The following VMP1 variants were observed in gnomAD, a reference collection of about 807,000 sequenced individuals.
The protein encoded by VMP1 is vacuole membrane protein 1.
In VMP1, 11 loss-of-function variants were observed where a neutral mutation model predicts 56.0. That is an observed-to-expected ratio of 0.20 (90% CI 0.12 to 0.32). The LOEUF is 0.32. Ranked by LOEUF, VMP1 falls within the 10% of genes least tolerant of loss-of-function variation. The pLI is 1.00. For missense variants in VMP1, 296 were observed against 490.3 expected (o/e 0.60, Z 3.74); for synonymous variants, 149 against 165.0 (o/e 0.90, Z 0.74).
intron 7 of VMP1, among the ~76,000 whole-genome samples, chr17:59,802,691 G>A (rs146300242): frequency 6.6e-6 from 1 of 151,904 alleles, no homozygotes; most frequent in Non-Finnish European, 1.5e-5. Flanking sequence ...TAGGCCTCCT[G>A]AGTAGCTAGG....
intron 8 of VMP1, among the ~76,000 whole-genome samples, chr17:59,811,376 A>G (rs2038045651): frequency 6.6e-6 from 1 of 152,182 alleles, no homozygotes; most frequent in South Asian, 2.1e-4. Flanking sequence ...TTCTCATGTG[A>G]TGGGCACACA....
intron 10 of VMP1, among the ~76,000 whole-genome samples, chr17:59,819,686 T>C (rs1053977587): frequency 6.6e-6 from 1 of 152,192 alleles, no homozygotes; most frequent in African/African-American, 2.4e-5. Flanking sequence ...ACTCCTGACC[T>C]GGTGATCCGC....
chr17:59,712,189 A>T (rs779406368), intron 1 of VMP1, among the ~76,000 whole-genome samples: 10 of 151,954 alleles, frequency 6.6e-5, no homozygotes, highest in Non-Finnish European at 1.5e-4. Context: ...ATTGCCAAGA[A>T]CTCTTTCCCA....
rs2039164443 is a variant in VMP1 at position 59,841,784 on chromosome 17, A to C, written c.*1873A>C. 6.6e-6 allele frequency: 1 copy of C among 152,274 alleles called. No homozygotes were observed. The highest frequency in any genetic ancestry group is 2.4e-5 in the African/African-American group (1 of 41,438). The allele number at this position is 152,274 out of a possible 1,614,324, so 9.4% of individuals were successfully genotyped here. ...ATTTTATTTGGTGTTTGTCTGAAGA[A>C]AGGAAAGAGGAAAGCAAATACGAAT... is the stretch of plus-strand genomic sequence containing the variant. On this transcript the variant is annotated 3_prime_UTR_variant, in exon 12 of 12. Transcript: ENST00000262291.
intron 7 of VMP1, among the ~76,000 whole-genome samples, chr17:59,801,112 ATGTGTGTGTGTGTGTGTGTGTGTG>A (rs71145573): frequency 9.1e-6 from 1 of 110,326 alleles, no homozygotes; most frequent in Non-Finnish European, 1.7e-5. Context: ...ATATATATAT[ATGTGTGTGTGTGTGTGTGTGTGTG>A]TGTGTGTGTG....
chr17:59,801,469 C>T (rs560433561), intron 7 of VMP1, among the ~76,000 whole-genome samples: 1 of 151,988 alleles, frequency 6.6e-6, no homozygotes, highest in Admixed American at 6.6e-5. Context: ...ACCCAGGCTG[C>T]TCTGGAAGTC....
intron 10 of VMP1, 88 bp from the exon 11 acceptor site, chr17:59,838,207 C>T: frequency 1.0e-6 from 1 of 992,646 alleles, no homozygotes; most frequent in Non-Finnish European, 1.5e-6. Context: ...CTTTTGAGTC[C>T]AGGTGGTAAG....
intron 5 of VMP1, among the ~76,000 whole-genome samples, chr17:59,744,203 G>A (rs2035333530): frequency 6.6e-6 from 1 of 151,674 alleles, no homozygotes; most frequent in South Asian, 2.1e-4. Flanking sequence ...GCTCATGCCT[G>A]TAATCTCTGC....
At chr17:59,766,465 C>T (rs574506572) in intron 6 of VMP1, among the ~76,000 whole-genome samples, 139 of 152,212 alleles carry the variant, frequency 9.1e-4, no homozygotes, top group African/African-American at 3.2e-3. Flanking sequence ...GACCCGCCAC[C>T]GCTCTCCAGC....
chr17:59,751,917 A>T (rs2035666837), intron 5 of VMP1, among the ~76,000 whole-genome samples: 1 of 151,790 alleles, frequency 6.6e-6, no homozygotes, highest in Non-Finnish European at 1.5e-5. Flanking sequence ...TGGGCTCAAG[A>T]GATCTTCCCA....
At chr17:59,814,492 A>G (rs568863857) in intron 9 of VMP1, among the ~76,000 whole-genome samples, 1 of 152,262 alleles carries the variant, frequency 6.6e-6, no homozygotes, top group East Asian at 1.9e-4. Context: ...ATTCTTTTGC[A>G]TTGCCTTCTT....
At chr17:59,749,689 T>G (rs2035567714) in intron 5 of VMP1, among the ~76,000 whole-genome samples, 1 of 151,976 alleles carries the variant, frequency 6.6e-6, no homozygotes, top group Non-Finnish European at 1.5e-5. Context: ...TTTTGTAGTT[T>G]TAGTAGAGAC....
chr17:59,719,401 G>A (rs1305077396), intron 1 of VMP1, among the ~76,000 whole-genome samples: 1 of 152,102 alleles, frequency 6.6e-6, no homozygotes, highest in Non-Finnish European at 1.5e-5. Context: ...GGCTATCTTT[G>A]TGTGCCTTGT....
intron 7 of VMP1, among the ~76,000 whole-genome samples, chr17:59,798,608 C>A (rs575259376): frequency 6.6e-6 from 1 of 152,304 alleles, no homozygotes; most frequent in East Asian, 1.9e-4. Flanking sequence ...GATGTAAGGC[C>A]GGGCACGGTG....
chr17:59,743,333 A>G (rs538104854), intron 5 of VMP1, among the ~76,000 whole-genome samples: 6 of 152,254 alleles, frequency 3.9e-5, no homozygotes, highest in Non-Finnish European at 8.8e-5. Flanking sequence ...TTTCCAGAAG[A>G]CACTATAGTT....
At chr17:59,833,257 TA>T (rs2038875918) in intron 10 of VMP1, among the ~76,000 whole-genome samples, 1 of 152,142 alleles carries the variant, frequency 6.6e-6, no homozygotes, top group African/African-American at 2.4e-5. Flanking sequence ...CTGTAATTTC[TA>T]TTTTTATCTA....
At chr17:59,806,835 G>T (rs2144202002) in intron 7 of VMP1, among the ~76,000 whole-genome samples, 2 of 151,872 alleles carry the variant, frequency 1.3e-5, no homozygotes, top group Middle Eastern at 6.8e-3. Context: ...GCTAAATTTT[G>T]TTGTAGAGTT....
At chr17:59,708,349 G>A (rs2033769653) in intron 1 of VMP1, among the ~76,000 whole-genome samples, 1 of 152,102 alleles carries the variant, frequency 6.6e-6, no homozygotes, top group Non-Finnish European at 1.5e-5. Context: ...CCTGAACCCC[G>A]ACCTCTATAT....
intron 7 of VMP1, among the ~76,000 whole-genome samples, chr17:59,808,411 G>A (rs147508118): frequency 5.3e-5 from 8 of 152,310 alleles, no homozygotes; most frequent in Admixed American, 2.0e-4. Context: ...GCTAGTGATC[G>A]GCAGAGATGT....
Sources: gnomAD v4.1 joint callset for allele counts (sites outside exome capture counted in the v4.1 genomes callset) on GRCh38, gnomAD v4.1.1 for gene constraint, MANE v1.5 for transcripts, NCBI Gene and HGNC (gene_info 2026-07-23, HGNC 2026-07-21) for gene names.